The following MCTP1 variants were observed in gnomAD, a reference collection of about 807,000 sequenced individuals.
The protein encoded by MCTP1 is multiple C2 and transmembrane domain containing 1, also known as multiple C2 and transmembrane domain-containing protein 1.
Under a neutral mutation model 120.6 loss-of-function variants are expected in MCTP1, and 69 were observed. That is an observed-to-expected ratio of 0.57 (90% CI 0.47 to 0.70). MCTP1 has a LOEUF of 0.70. Among genes scored for constraint, MCTP1 ranks in the 30% least tolerant of loss-of-function variants. The pLI is 0.00. For synonymous variants in MCTP1, 529 were observed against 493.1 expected (o/e 1.07, Z -0.96); for missense variants, 1,203 against 1,248.8 (o/e 0.96, Z 0.55).
intron 1 of MCTP1, among the ~76,000 whole-genome samples, chr5:95,188,008 C>T (rs145659358): frequency 0.028 from 4,204 of 152,026 alleles, 78 homozygotes; most frequent in Middle Eastern, 0.058. Flanking sequence ...CTACTATGTA[C>T]GCACACAATT....
chr5:94,705,630 A>G lies in MCTP1; in HGVS notation c.*1866T>C, dbSNP rs1754379487. 2 of 151,622 alleles carry G rather than the reference A, an allele frequency of 1.3e-5. No individual in the cohort carries two copies. The highest frequency in any genetic ancestry group is 4.1e-4 in the South Asian group (2 of 4,834). 9.4% of individuals were successfully genotyped at this position (151,622 alleles called of 1,614,324 possible). On this transcript the variant is annotated 3_prime_UTR_variant, in exon 23 of 23. Coordinates refer to ENST00000515393, the MANE Select transcript of MCTP1 (RefSeq NM_024717.7). ...AAACATCTGAAATTTGATACAGTGA[A>G]ACAAATTAGTCATCTGTTAATGGTT... is the stretch of plus-strand genomic sequence containing the variant.
intron 2 of MCTP1, among the ~76,000 whole-genome samples, chr5:94,970,671 C>T (rs150345657): frequency 3.5e-4 from 53 of 151,790 alleles, no homozygotes; most frequent in African/African-American, 1.2e-3. Context: ...TTTTTTTTAC[C>T]GAAAGGAAAC....
intron 2 of MCTP1, among the ~76,000 whole-genome samples, chr5:94,976,547 T>C (rs767159405): frequency 2.0e-5 from 3 of 152,174 alleles, no homozygotes; most frequent in Admixed American, 6.6e-5. Context: ...ATTGATTGAT[T>C]GATTTCAATT....
At chr5:95,007,823 A>G (rs1835071739) in intron 2 of MCTP1, among the ~76,000 whole-genome samples, 1 of 152,170 alleles carries the variant, frequency 6.6e-6, no homozygotes, top group African/African-American at 2.4e-5. Flanking sequence ...TATTGTTCTC[A>G]CAACACTTGC....
At chr5:94,966,591 C>G (rs570678478) in intron 2 of MCTP1, among the ~76,000 whole-genome samples, 2 of 152,190 alleles carry the variant, frequency 1.3e-5, no homozygotes, top group Admixed American at 1.3e-4. Context: ...GTCAGGAGAT[C>G]AAGACCATCC....
chr5:94,977,132 A>G (rs1828289810), intron 2 of MCTP1, among the ~76,000 whole-genome samples: 1 of 152,092 alleles, frequency 6.6e-6, no homozygotes, highest in South Asian at 2.1e-4. Context: ...ATTGCAGGAT[A>G]CAAAATCAAC....
At chr5:95,071,849 G>C (rs1752238950) in intron 1 of MCTP1, among the ~76,000 whole-genome samples, 1 of 152,052 alleles carries the variant, frequency 6.6e-6, no homozygotes, top group South Asian at 2.1e-4. Flanking sequence ...CTAGATTTTT[G>C]TTAAAATCTG....
intron 8 of MCTP1, among the ~76,000 whole-genome samples, chr5:94,913,453 T>C (rs1020600967): frequency 5.3e-5 from 8 of 152,218 alleles, no homozygotes; most frequent in Non-Finnish European, 8.8e-5. Context: ...TCTATCCAGA[T>C]AGTTTAAAAA....
At chr5:95,221,937 C>T (rs1310596749) in intron 1 of MCTP1, among the ~76,000 whole-genome samples, 4 of 152,174 alleles carry the variant, frequency 2.6e-5, no homozygotes, top group Non-Finnish European at 5.9e-5. Flanking sequence ...AATTTATTTA[C>T]ACAGAAAATT....
chr5:95,284,394 G>C lies in MCTP1; in HGVS notation c.182C>G (p.Pro61Arg). The C allele has an allele frequency of 1.9e-6, 3 of 1,591,068 alleles. No homozygotes were observed. The highest frequency in any genetic ancestry group is 2.5e-6 in the Non-Finnish European group (3 of 1,177,004). Residue 61 changes from proline to arginine, a missense_variant, in exon 1 of 23, where the codon CCG becomes CGG. By Grantham distance (103) the Pro-to-Arg change is moderately radical. Coordinates refer to ENST00000515393, the MANE Select transcript of MCTP1 (RefSeq NM_024717.7). This position sits in a 1 kb window ranked among gnomAD's most constrained non-coding sequence, Gnocchi z 5.2. The stretch of plus-strand genomic sequence containing the variant: ...GGCCGGTGCATTCCCTGTGCCCACC[G>C]GGGGTGGCGGGGAGGGCGACGGGGT... ...ADTPSPSPPP[P>R]VGTGNAPARG...
intron 1 of MCTP1, among the ~76,000 whole-genome samples, chr5:95,230,818 A>G (rs1448349908): frequency 6.6e-6 from 1 of 152,232 alleles, no homozygotes; most frequent in African/African-American, 2.4e-5. Flanking sequence ...TGACAGCTGT[A>G]AGAACATCCC....
intron 2 of MCTP1, among the ~76,000 whole-genome samples, chr5:94,982,301 T>G (rs1237410755): frequency 2.6e-5 from 4 of 152,180 alleles, no homozygotes; most frequent in Non-Finnish European, 5.9e-5. Context: ...GTCAATGTTA[T>G]CTTGTTTATC....
chr5:94,939,743 G>A (rs550881704), intron 5 of MCTP1, among the ~76,000 whole-genome samples: 108 of 152,122 alleles, frequency 7.1e-4, no homozygotes, highest in African/African-American at 2.4e-3. Flanking sequence ...TCTGGATACC[G>A]TAATGTGGAA....
In MCTP1 at chr5:94,917,070, C is replaced by A. The variant is rs564324535; in HGVS notation, c.1350+826G>T. ...GGAGTATTTAAAAAGAGAAGTAGGA[C>A]CCTACTGAATAATTATGAAAAGCTG... On this transcript the variant is annotated intron_variant, in intron 8 of 22. Transcript: ENST00000515393. 9.2e-5 allele frequency among the ~76,000 whole-genome samples: 14 copies of A among 152,240 alleles called. No homozygotes were observed. The South Asian group carries it at 2.9e-3, about 32-fold the overall frequency.
At chr5:94,752,782 T>C (rs536927820) in intron 19 of MCTP1, among the ~76,000 whole-genome samples, 1 of 152,306 alleles carries the variant, frequency 6.6e-6, no homozygotes, top group East Asian at 1.9e-4. Context: ...AGAGATCACA[T>C]AGTACTTATC....
chr5:95,270,504 G>A (rs1759283312), intron 1 of MCTP1, among the ~76,000 whole-genome samples: 1 of 152,204 alleles, frequency 6.6e-6, no homozygotes, highest in Non-Finnish European at 1.5e-5. Context: ...ATGGCACTGG[G>A]TAAGAAGCTC....
At chr5:94,798,792 G>T (rs1371408792) in intron 18 of MCTP1, among the ~76,000 whole-genome samples, 1 of 152,072 alleles carries the variant, frequency 6.6e-6, no homozygotes, top group Non-Finnish European at 1.5e-5. Context: ...GTTGCTCCCT[G>T]TTTTAGTTTC....
intron 17 of MCTP1, among the ~76,000 whole-genome samples, chr5:94,834,479 T>A (rs1365794080): frequency 6.6e-6 from 1 of 152,228 alleles, no homozygotes; most frequent in Non-Finnish European, 1.5e-5. Context: ...CTGCGTTTTA[T>A]CACTGTAAAC....
At chr5:95,264,933 G>C (rs1758764788) in intron 1 of MCTP1, among the ~76,000 whole-genome samples, 1 of 152,190 alleles carries the variant, frequency 6.6e-6, no homozygotes, top group Non-Finnish European at 1.5e-5. Flanking sequence ...ACTGAGGCCT[G>C]GATCCAGCCT....
Sources: gnomAD v4.1 joint callset for allele counts (sites outside exome capture counted in the v4.1 genomes callset) on GRCh38, gnomAD v4.1.1 for gene constraint, Gnocchi (gnomAD v3.1) non-coding constraint, MANE v1.5 for transcripts, NCBI Gene and HGNC (gene_info 2026-07-23, HGNC 2026-07-21) for gene names.